The following CAMTA1 variants were observed in gnomAD, a reference collection of about 807,000 sequenced individuals.
CAMTA1 encodes calmodulin binding transcription activator 1.
A neutral mutation model predicts 170.9 loss-of-function variants in CAMTA1; 27 were observed. The observed-to-expected ratio is 0.16, with a 90% CI of 0.12 to 0.22. The LOEUF (loss-of-function observed/expected upper bound fraction) is 0.22, where lower values mean the gene tolerates loss of function less well. Among genes scored for constraint, CAMTA1 ranks in the 10% least tolerant of loss-of-function variants. The pLI is 1.00. For missense variants in CAMTA1, 1,619 were observed against 2,217.2 expected (o/e 0.73, Z 5.42); for synonymous variants, 833 against 891.5 (o/e 0.93, Z 1.17).
At chr1:7,342,283 G>A (rs2083890936) in intron 5 of CAMTA1, among the ~76,000 whole-genome samples, 1 of 152,144 alleles carries the variant, frequency 6.6e-6, no homozygotes, top group Admixed American at 6.5e-5. Context: ...CAGAGCCCGG[G>A]GGTCCCCTGG....
intron 22 of CAMTA1, among the ~76,000 whole-genome samples, chr1:7,762,106 T>C (rs2096980507): frequency 6.6e-6 from 1 of 152,214 alleles, no homozygotes; most frequent in African/African-American, 2.4e-5. Context: ...GAGCTATGAC[T>C]GTTCCACTGC....
chr1:7,180,901 G>A (rs1652014191), intron 4 of CAMTA1, among the ~76,000 whole-genome samples: 1 of 152,188 alleles, frequency 6.6e-6, no homozygotes, highest in Non-Finnish European at 1.5e-5. Flanking sequence ...TTTCTTGAAA[G>A]TAAGTACTAC....
At chr1:6,817,592 A>G (rs1645981031) in intron 1 of CAMTA1, among the ~76,000 whole-genome samples, 1 of 152,234 alleles carries the variant, frequency 6.6e-6, no homozygotes, top group South Asian at 2.1e-4. Context: ...CTATAGGGTG[A>G]ATCCTTGGAC....
chr1:7,219,944 G>A (rs543983582), intron 4 of CAMTA1, among the ~76,000 whole-genome samples: 166 of 152,308 alleles, frequency 1.1e-3, no homozygotes, highest in African/African-American at 3.8e-3. Context: ...GTGAGAAGGT[G>A]GCCGTCTGTA....
At chr1:7,444,412 C>A (rs2092628152) in intron 5 of CAMTA1, among the ~76,000 whole-genome samples, 1 of 152,194 alleles carries the variant, frequency 6.6e-6, no homozygotes, top group African/African-American at 2.4e-5. Flanking sequence ...GAGCAGGTCT[C>A]AGGGAATATG....
At chr1:6,874,980 G>A (rs190522046) in intron 3 of CAMTA1, among the ~76,000 whole-genome samples, 49 of 152,302 alleles carry the variant, frequency 3.2e-4, no homozygotes, top group African/African-American at 1.2e-3. Flanking sequence ...GTGTAAGAAT[G>A]CCTGTTACAT....
intron 3 of CAMTA1, among the ~76,000 whole-genome samples, chr1:7,021,745 C>T (rs1039468794): frequency 6.6e-6 from 1 of 152,128 alleles, no homozygotes; most frequent in African/African-American, 2.4e-5. Flanking sequence ...TTAAAATCCC[C>T]CACTCATTTT....
At chr1:7,646,385 GTGGTTGGAGGCCCTGGTGAGT>G (rs2095804793) in intron 7 of CAMTA1, among the ~76,000 whole-genome samples, 1 of 145,146 alleles carries the variant, frequency 6.9e-6, no homozygotes, top group African/African-American at 2.6e-5. Context: ...CATAGTGAGT[GTGGTTGGAGGCCCTGGTGAGT>G]TGGGTGGAGG....
intron 5 of CAMTA1, among the ~76,000 whole-genome samples, chr1:7,347,129 C>A (rs573009724): frequency 1.3e-5 from 2 of 152,200 alleles, no homozygotes; most frequent in Admixed American, 1.3e-4. Flanking sequence ...TGCCTCATCC[C>A]GGTGGCAGCG....
At chr1:6,856,584 G>GGATA (rs1662495159) in intron 3 of CAMTA1, among the ~76,000 whole-genome samples, 1 of 152,178 alleles carries the variant, frequency 6.6e-6, no homozygotes, top group African/African-American at 2.4e-5. Flanking sequence ...ATGGATGTAT[G>GGATA]GATAGATAGA....
chr1:7,180,517 T>TTTC (rs1290881678), intron 4 of CAMTA1, among the ~76,000 whole-genome samples: 5 of 142,210 alleles, frequency 3.5e-5, no homozygotes, highest in Non-Finnish European at 3.1e-5. Context: ...TAGACTTTTT[T>TTTC]TTTTTTTTTT....
At chr1:7,637,461 G>A (rs2095721940) in intron 6 of CAMTA1, among the ~76,000 whole-genome samples, 1 of 152,230 alleles carries the variant, frequency 6.6e-6, no homozygotes, top group Non-Finnish European at 1.5e-5. Flanking sequence ...GCGGTCCCTG[G>A]GAGGCCACTA....
chr1:7,758,005 C>A (rs1577466254), intron 22 of CAMTA1, among the ~76,000 whole-genome samples: 1 of 151,848 alleles, frequency 6.6e-6, no homozygotes, highest in East Asian at 1.9e-4. Context: ...ATCTCCATTT[C>A]TCCCTCTATT....
chr1:7,150,182 G>T (rs959158768), intron 4 of CAMTA1, among the ~76,000 whole-genome samples: 1 of 152,196 alleles, frequency 6.6e-6, no homozygotes, highest in Non-Finnish European at 1.5e-5. Context: ...GCCTGGACCC[G>T]CATCGCCCTT....
intron 3 of CAMTA1, among the ~76,000 whole-genome samples, chr1:6,861,061 T>C (rs1011970459): frequency 6.7e-6 from 1 of 149,250 alleles, no homozygotes; most frequent in South Asian, 2.1e-4. Context: ...ACCTCCCGGG[T>C]TCAAGTGATT....
intron 5 of CAMTA1, among the ~76,000 whole-genome samples, chr1:7,432,637 C>G (rs1346919437): frequency 6.6e-6 from 1 of 152,188 alleles, no homozygotes; most frequent in African/African-American, 2.4e-5. Flanking sequence ...CAGCCCACCT[C>G]TGGTGCTGGG....
intron 5 of CAMTA1, among the ~76,000 whole-genome samples, chr1:7,459,663 C>T (rs2093037676): frequency 6.6e-6 from 1 of 152,228 alleles, no homozygotes; most frequent in South Asian, 2.1e-4. Context: ...GGCCCCTGCT[C>T]AGGTGCTGCC....
intron 6 of CAMTA1, among the ~76,000 whole-genome samples, chr1:7,538,648 C>A (rs75593103): frequency 4.2e-3 from 640 of 152,310 alleles, no homozygotes; most frequent in African/African-American, 0.013. Context: ...AGACCAAGAC[C>A]CTGTCTCTCA....
intron 1 of CAMTA1, among the ~76,000 whole-genome samples, chr1:6,807,969 A>G (rs1233479871): frequency 6.6e-6 from 1 of 151,764 alleles, no homozygotes; most frequent in African/African-American, 2.4e-5. Flanking sequence ...TCTGGAAGGG[A>G]AGATGGAAAG....
Sources: allele counts gnomAD v4.1 joint callset (sites outside exome capture counted in the v4.1 genomes callset), GRCh38; gene constraint gnomAD v4.1.1; transcripts MANE v1.5; gene names NCBI Gene and HGNC (gene_info 2026-07-23, HGNC 2026-07-21).